Variants in GNAS observed in about 807,000 individuals in gnomAD.
The protein encoded by GNAS is protein ALEX.
In GNAS, 8 loss-of-function variants were observed where a neutral mutation model predicts 54.5. That is an observed-to-expected ratio of 0.15 (90% CI 0.09 to 0.26). GNAS has a LOEUF of 0.26. Among genes scored for constraint, GNAS ranks in the 10% least tolerant of loss-of-function variants. GNAS has a pLI of 1.00. For synonymous variants in GNAS, 204 were observed against 191.4 expected (o/e 1.07, Z -0.54); for missense variants, 170 against 529.8 (o/e 0.32, Z 6.67).
chr20:58,882,426 C>T (rs931735703), intron 1 of GNAS, among the ~76,000 whole-genome samples: 3 of 152,222 alleles, frequency 2.0e-5, no homozygotes, highest in African/African-American at 7.2e-5. Context: ...AGGCTGAGCA[C>T]GCATGTCTTC....
intron 1 of GNAS, among the ~76,000 whole-genome samples, chr20:58,868,632 C>A (rs976906307): frequency 1.3e-5 from 2 of 152,300 alleles, no homozygotes; most frequent in South Asian, 4.1e-4. Flanking sequence ...CTCATTTTCT[C>A]AGAAGTTTCA....
chr20:58,844,445 A>G (rs1352945947), intron 1 of GNAS, among the ~76,000 whole-genome samples: 2 of 152,152 alleles, frequency 1.3e-5, no homozygotes, highest in East Asian at 1.9e-4. Context: ...TCTATTTCCT[A>G]TAACTTGATG....
chr20:58,903,641 T>C (rs761554045), intron 4 of GNAS, 31 bp from the exon 5 acceptor site: 11 of 1,614,074 alleles, frequency 6.8e-6, no homozygotes, highest in Middle Eastern at 1.6e-4. Context: ...GCCAGTGCTG[T>C]TCCCTGACCG....
At position 58,910,909 on chromosome 20, in the gene GNAS, C is replaced by T. The variant is rs532183432; in HGVS notation, c.*80C>T. The T allele has an allele frequency of 1.2e-4, 168 of 1,361,948 alleles. 3 individuals carry two copies. The South Asian group carries it at 1.9e-3, about 16-fold the overall frequency. 84.4% of individuals were successfully genotyped at this position (1,361,948 alleles called of 1,614,324 possible). A position where few individuals can be genotyped will look rare whatever the true frequency, so the allele number is the denominator to read the frequency against. On this transcript the variant is annotated 3_prime_UTR_variant, in exon 13 of 13. Transcript: ENST00000371085. The surrounding 1 kb of genome is among the most constrained non-coding windows in gnomAD (Gnocchi z 5.8). ...ACGTAATTGTACAAGCAGTTAATCA[C>T]CCACCATAGGGCATGATTAACAAAG...
At position 58,853,774 on chromosome 20, in the gene GNAS, C is replaced by A. The variant is rs772526528; in HGVS notation, c.43+12888C>A. ...ATGCCCTTTGAGTTTGACCAGCCTG[C>A]CCAGAGAGGCTGCAGTCAACTTCTC... On this transcript the variant is annotated intron_variant, in intron 1 of 12. Transcript: ENST00000306090. This position sits in a 1 kb window ranked among gnomAD's most constrained non-coding sequence, Gnocchi z 4.4. 6.2e-7 allele frequency: 1 copy of A among 1,612,876 alleles called. No homozygotes were observed. Among genetic ancestry groups the A allele is most frequent in the Non-Finnish European group, 8.5e-7 (1 of 1,179,432 alleles).
At chr20:58,903,178 C>A (rs2090785922) in intron 3 of GNAS, 1 of 404,900 alleles carries the variant, frequency 2.5e-6, no homozygotes, top group Admixed American at 3.6e-5. Flanking sequence ...CCAGCCTCAC[C>A]CCTACCCAGA....
At chr20:58,872,422 T>C (rs1453808198) in intron 1 of GNAS, among the ~76,000 whole-genome samples, 1 of 152,224 alleles carries the variant, frequency 6.6e-6, no homozygotes, top group Non-Finnish European at 1.5e-5. Flanking sequence ...AGGTTAAAAG[T>C]GAGCATCCTA....
At position 58,901,925 on chromosome 20, in the gene GNAS, C is replaced by T. The variant is rs543838016; in HGVS notation, c.258-1606C>T. Among the ~76,000 whole-genome samples the T allele has an allele frequency of 3.0e-4, 44 of 148,786 alleles. 1 individual carries two copies. Among genetic ancestry groups the T allele is most frequent in the Middle Eastern group, 3.4e-3 (1 of 290 alleles). ...TGCTAATTAACCTCCCTTCGCCTTT[C>T]CTCTGCCTTAACTGTCGTGTTCTAG... On this transcript the variant is annotated intron_variant, in intron 3 of 12. Transcript: ENST00000371085.
chr20:58,842,471 A>C (rs1260720548), intron 1 of GNAS: 2 of 398,652 alleles, frequency 5.0e-6, no homozygotes, highest in East Asian at 7.1e-5. Flanking sequence ...TCCGTAGGAA[A>C]GGCGTCGCGG....
chr20:58,864,385 C>T (rs2086927840), intron 1 of GNAS, among the ~76,000 whole-genome samples: 1 of 152,070 alleles, frequency 6.6e-6, no homozygotes, highest in South Asian at 2.1e-4. Flanking sequence ...AAGTGTCCAT[C>T]CTAATTCCTT....
At chr20:58,862,941 T>G (rs1417902492) in intron 1 of GNAS, among the ~76,000 whole-genome samples, 3 of 150,604 alleles carry the variant, frequency 2.0e-5, no homozygotes, top group Non-Finnish European at 4.4e-5. Flanking sequence ...GAGCTTGGAT[T>G]GTTCTATGGT....
chr20:58,868,574 G>C (rs1471942822), intron 1 of GNAS, among the ~76,000 whole-genome samples: 1 of 151,990 alleles, frequency 6.6e-6, no homozygotes, highest in Non-Finnish European at 1.5e-5. Context: ...TCAGAAAGAA[G>C]AAGCAAGACC....
chr20:58,854,840 G>A, intron 1 of GNAS: 10 of 1,596,734 alleles, frequency 6.3e-6, no homozygotes, highest in Non-Finnish European at 8.5e-6. Context: ...CCAGACGCAA[G>A]ATCCATCTCA....
intron 1 of GNAS, among the ~76,000 whole-genome samples, chr20:58,849,543 A>AGGG (rs2086071039): frequency 6.6e-6 from 1 of 152,078 alleles, no homozygotes; most frequent in African/African-American, 2.4e-5. Context: ...GGCTGCAAAA[A>AGGG]TCTCCATCCC....
intron 1 of GNAS, among the ~76,000 whole-genome samples, chr20:58,861,371 C>T (rs1318189898): frequency 6.6e-6 from 1 of 152,208 alleles, no homozygotes; most frequent in Non-Finnish European, 1.5e-5. Context: ...AAGCACTGGG[C>T]AGCCTAATTG....
chr20:58,854,137 C>G, intron 1 of GNAS: 1 of 1,612,502 alleles, frequency 6.2e-7, no homozygotes, highest in East Asian at 2.2e-5. Context: ...GCTGTCAGAC[C>G]TCCTTCTAAC....
rs764624539 is a variant in GNAS, at chr20:58,903,838, C to T, written c.432+47C>T. 5 of 1,609,026 alleles carry T rather than the reference C, an allele frequency of 3.1e-6. No individual in the cohort carries two copies. In the South Asian group the frequency reaches 5.5e-5, roughly 18 times the overall value. ...GTGGCCTTAGCCCCGCCCACCTGAG[C>T]ACAGTGTCCATATAGGAACATGAGT... On this transcript the variant is annotated intron_variant, in intron 5 of 12. Coordinates refer to ENST00000371085, the MANE Select transcript of GNAS (RefSeq NM_000516.7).
rs184576467 is a variant in GNAS, at chr20:58,901,978, T to C, written c.258-1553T>C. 3.3e-3 allele frequency among the ~76,000 whole-genome samples: 500 copies of C among 152,142 alleles called. 7 individuals are homozygous for C. The highest frequency in any genetic ancestry group is 4.1e-3 in the Non-Finnish European group (281 of 68,002). ...TGGAGAGATTATATGTTTTAATTTC[T>C]ACTCCAGTCTATGAATTGGTGAATC... On this transcript the variant is annotated intron_variant, in intron 3 of 12. Coordinates refer to ENST00000371085, the MANE Select transcript of GNAS (RefSeq NM_000516.7).
intron 3 of GNAS, chr20:58,900,390 A>AT (rs2090497421): frequency 4.7e-6 from 1 of 214,506 alleles, no homozygotes; most frequent in South Asian, 1.8e-4. Context: ...ATAAATAAAA[A>AT]TTCTCTGCAT....
Sources: gnomAD v4.1 joint callset for allele counts (sites outside exome capture counted in the v4.1 genomes callset) on GRCh38, gnomAD v4.1.1 for gene constraint, Gnocchi (gnomAD v3.1) non-coding constraint, MANE v1.5 for transcripts, NCBI Gene and HGNC (gene_info 2026-07-23, HGNC 2026-07-21) for gene names.